The following WDR37 variants were observed in gnomAD, a reference collection of about 807,000 sequenced individuals.
WDR37 encodes the protein WD repeat-containing protein 37.
In WDR37, 19 loss-of-function variants were observed where a neutral mutation model predicts 62.9. The observed-to-expected ratio is 0.30, with a 90% confidence interval of 0.21 to 0.44. The LOEUF (loss-of-function observed/expected upper bound fraction) is 0.44, where lower values mean the gene tolerates loss of function less well. Ranked by LOEUF, WDR37 falls within the 20% of genes least tolerant of loss-of-function variation. The probability of loss-of-function intolerance (pLI) is 1.00; values close to 1 mark genes in which losing one functional copy is unlikely to be tolerated. For synonymous variants in WDR37, 250 were observed against 260.9 expected (o/e 0.96, Z 0.40); for missense variants, 474 against 657.6 (o/e 0.72, Z 3.05).
intron 2 of WDR37, among the ~76,000 whole-genome samples, chr10:1,075,483 C>T (rs1218556281): frequency 6.7e-6 from 1 of 149,432 alleles, no homozygotes. Flanking sequence ...CTCCCTGTGT[C>T]CATGTGTTAG....
At chr10:1,106,980 C>T (rs1363949117) in intron 11 of WDR37, among the ~76,000 whole-genome samples, 3 of 152,200 alleles carry the variant, frequency 2.0e-5, no homozygotes, top group Non-Finnish European at 4.4e-5. Context: ...GTCCTGACAT[C>T]AGGTCAGCGT....
chr10:1,091,562 G>A lies in WDR37; in HGVS notation c.605-1890G>A, dbSNP rs139466589. On this transcript the variant is annotated intron_variant, in intron 7 of 13. Transcript: ENST00000263150. ...TGGTCAAATTTCCTATATGTTCTACGTTAGGGACATGCATTTTCTTCACAA... is the reference window on the plus strand; with the variant it reads ...TGGTCAAATTTCCTATATGTTCTACATTAGGGACATGCATTTTCTTCACAA... Among the ~76,000 whole-genome samples, 70 of 152,280 alleles carry A rather than the reference G, an allele frequency of 4.6e-4. No homozygotes were observed. The East Asian group carries it at 0.012, about 26-fold the overall frequency.
chr10:1,064,465 A>G (rs182029107), intron 1 of WDR37, among the ~76,000 whole-genome samples: 53 of 152,318 alleles, frequency 3.5e-4, no homozygotes, highest in Non-Finnish European at 6.5e-4. Flanking sequence ...AACCCAGAGA[A>G]GATAAACACA....
At chr10:1,068,320 A>G (rs1445539605) in intron 1 of WDR37, among the ~76,000 whole-genome samples, 1 of 123,160 alleles carries the variant, frequency 8.1e-6, no homozygotes, top group East Asian at 2.5e-4. Flanking sequence ...TCTCTACTAA[A>G]AATACAAAAA....
intron 1 of WDR37, among the ~76,000 whole-genome samples, chr10:1,071,610 C>G (rs1833730007): frequency 6.6e-6 from 1 of 152,062 alleles, no homozygotes; most frequent in Non-Finnish European, 1.5e-5. Context: ...CATAAAATAT[C>G]CCATTGTTTT....
At chr10:1,069,416 T>C (rs1443612299) in intron 1 of WDR37, among the ~76,000 whole-genome samples, 1 of 138,174 alleles carries the variant, frequency 7.2e-6, no homozygotes, top group African/African-American at 2.8e-5. Flanking sequence ...TTGCAGCAGG[T>C]GAATGGTTAA....
At chr10:1,078,491 A>G (rs1035195821) in intron 3 of WDR37, among the ~76,000 whole-genome samples, 2 of 152,090 alleles carry the variant, frequency 1.3e-5, no homozygotes, top group Non-Finnish European at 2.9e-5. Context: ...AGCCCATCGC[A>G]CTCTTCAAAG....
intron 1 of WDR37, among the ~76,000 whole-genome samples, chr10:1,070,080 C>G (rs1425923517): frequency 6.6e-6 from 1 of 151,870 alleles, no homozygotes; most frequent in East Asian, 1.9e-4. Flanking sequence ...GTGGTGCATG[C>G]CTATAGTCCC....
intron 3 of WDR37, among the ~76,000 whole-genome samples, chr10:1,078,468 C>T (rs73578529): frequency 1.3e-3 from 200 of 152,206 alleles, no homozygotes; most frequent in African/African-American, 4.4e-3. Flanking sequence ...AAGAAATCTA[C>T]CATTACCCCT....
At chr10:1,073,699 C>G (rs1447869290) in intron 2 of WDR37, among the ~76,000 whole-genome samples, 1 of 152,144 alleles carries the variant, frequency 6.6e-6, no homozygotes, top group African/African-American at 2.4e-5. Context: ...AGTCCTAGAT[C>G]AAGGTGTGAG....
Position 1,066,352 on chromosome 10 carries a change from G to A in WDR37, c.-40-5764G>A, listed in dbSNP as rs545950573. Among the ~76,000 whole-genome samples the A allele has an allele frequency of 9.2e-5, 14 of 152,308 alleles. No homozygotes were observed. In the South Asian group the frequency reaches 2.1e-3, roughly 23 times the overall value. On this transcript the variant is annotated intron_variant, in intron 1 of 13. Coordinates refer to ENST00000263150, the MANE Select transcript of WDR37 (RefSeq NM_014023.4). ...AGGATGGTCTCGAAGTCCTGACCTT[G>A]TGATCCGTCCACCTTGACCTCCCAA... is the stretch of plus-strand genomic sequence containing the variant.
chr10:1,087,988 A>G (rs954822733), intron 7 of WDR37, among the ~76,000 whole-genome samples: 3 of 152,218 alleles, frequency 2.0e-5, no homozygotes, highest in Non-Finnish European at 4.4e-5. Flanking sequence ...CAGCTTCTCC[A>G]TCAGCACTTG....
At chr10:1,126,877 T>A (rs1239973183) in intron 13 of WDR37, among the ~76,000 whole-genome samples, 1 of 152,192 alleles carries the variant, frequency 6.6e-6, no homozygotes, top group Non-Finnish European at 1.5e-5. Flanking sequence ...AATTATTGAG[T>A]TTTTACTCCT....
rs781061432 is a variant in WDR37 at position 1,089,282 on chromosome 10, G to A, written c.604+2925G>A. Among the ~76,000 whole-genome samples the A allele has an allele frequency of 2.2e-4, 33 of 151,970 alleles. 1 individual carries two copies. Among genetic ancestry groups the A allele is most frequent in the Admixed American group, 4.6e-4 (7 of 15,252 alleles). On this transcript the variant is annotated intron_variant, in intron 7 of 13. Coordinates refer to ENST00000263150, the MANE Select transcript of WDR37 (RefSeq NM_014023.4). ...GGGATCCAGCCTCAGTTCCTGTCAC[G>A]GCCGCTCACGTCTGGACTGCACCCT...
chr10:1,103,800 G>C lies in WDR37; in HGVS notation c.925G>C (p.Asp309His). ...ASWDRTANLYDVETSELVHSL... is the reference protein window; with the variant it reads ...ASWDRTANLYHVETSELVHSL... ...CTGGGACCGGACGGCAAACCTGTAC[G>C]ACGTGGAGACGTCCGAGCTCGTTCA... The change falls in exon 10 of 14, where the codon GAC becomes CAC. Residue 309 changes from aspartate (D) to histidine (H), a missense_variant. Coordinates refer to ENST00000263150, the MANE Select transcript of WDR37 (RefSeq NM_014023.4). The surrounding 1 kb of genome is among the most constrained non-coding windows in gnomAD (Gnocchi z 6.3). 2 of 1,614,196 alleles carry C rather than the reference G, an allele frequency of 1.2e-6. No homozygotes were observed. Among genetic ancestry groups the C allele is most frequent in the Non-Finnish European group, 1.7e-6 (2 of 1,180,034 alleles).
At chr10:1,112,150 C>T (rs1335111262) in intron 11 of WDR37, among the ~76,000 whole-genome samples, 2 of 152,232 alleles carry the variant, frequency 1.3e-5, no homozygotes, top group Non-Finnish European at 2.9e-5. Flanking sequence ...CTGAGCAGGT[C>T]TGTTGGTGCC....
rs1168235893 is a variant in WDR37, at chr10:1,119,029, GCCATT to G, written c.1104-5186_1104-5182del. 5.9e-5 allele frequency among the ~76,000 whole-genome samples: 9 copies of G among 152,312 alleles called. No homozygotes were observed. The East Asian group carries it at 1.3e-3, about 23-fold the overall frequency. On this transcript the variant is annotated intron_variant, in intron 11 of 13. Coordinates refer to ENST00000263150, the MANE Select transcript of WDR37 (RefSeq NM_014023.4). Reference sequence around the variant, plus strand: ...ATGAACCCTGAATAAAAGACTAAGGGCCATTCCTATGAAGAAAAAACATGAGTGCA... The same window carrying G: ...ATGAACCCTGAATAAAAGACTAAGGGCCTATGAAGAAAAAACATGAGTGCA...
chr10:1,130,341 T>C lies in WDR37; in HGVS notation c.*997T>C, dbSNP rs1419859390. ...TTTATAGCTGGAATACTGAGTTCAGTTCAGAAGGCAGGAAAGACAGTCACA... is the reference window on the plus strand; with the variant it reads ...TTTATAGCTGGAATACTGAGTTCAGCTCAGAAGGCAGGAAAGACAGTCACA... On this transcript the variant is annotated 3_prime_UTR_variant, in exon 14 of 14. Coordinates refer to ENST00000263150, the MANE Select transcript of WDR37 (RefSeq NM_014023.4). 6.6e-6 allele frequency: 1 copy of C among 152,616 alleles called. No individual in the cohort carries two copies. Among genetic ancestry groups the C allele is most frequent in the Admixed American group, 6.5e-5 (1 of 15,282 alleles). The allele number at this position is 152,616 out of a possible 1,614,324, so 9.5% of individuals were successfully genotyped here.
Position 1,129,606 on chromosome 10 carries a change from A to G in WDR37, c.*262A>G, listed in dbSNP as rs4880772. ...AAGCTCACCTCCCATGTAGCACATG[A>G]AATGCTTGTGAGTTGTTGACATTGG... On this transcript the variant is annotated 3_prime_UTR_variant, in exon 14 of 14. Coordinates refer to ENST00000263150, the MANE Select transcript of WDR37 (RefSeq NM_014023.4). The G allele has an allele frequency of 0.026, 10,120 of 383,952 alleles. 198 individuals carry two copies. Among genetic ancestry groups the G allele is most frequent in the Non-Finnish European group, 0.035 (7,280 of 210,186 alleles). The allele number at this position is 383,952 out of a possible 1,614,324, so 23.8% of individuals were successfully genotyped here. A position where few individuals can be genotyped will look rare whatever the true frequency, so the allele number is the denominator to read the frequency against.
Sources: allele counts gnomAD v4.1 joint callset (sites outside exome capture counted in the v4.1 genomes callset), GRCh38; gene constraint gnomAD v4.1.1; non-coding constraint Gnocchi (gnomAD v3.1); transcripts MANE v1.5; gene names NCBI Gene and HGNC (gene_info 2026-07-23, HGNC 2026-07-21).